PAX8: variants seen among roughly 807,000 people sequenced by gnomAD.
PAX8 encodes paired box protein Pax-8.
In PAX8, 15 loss-of-function variants were observed where a neutral mutation model predicts 52.4. That is an observed-to-expected ratio of 0.29 (90% confidence interval 0.19 to 0.44). The LOEUF is 0.44. Ranked by LOEUF, PAX8 falls within the 20% of genes least tolerant of loss-of-function variation. PAX8 has a pLI of 1.00. For synonymous variants in PAX8, 284 were observed against 249.7 expected, an observed-to-expected ratio of 1.14 and a Z score of -1.29; for missense variants, 554 against 602.5, an observed-to-expected ratio of 0.92 and a Z score of 0.84.
intron 10 of PAX8, chr2:113,226,468 C>T (rs1689576085): frequency 3.0e-6 from 3 of 988,368 alleles, no homozygotes; most frequent in African/African-American, 3.5e-5. Context: ...CATCTTGAAT[C>T]ATCATTGGAT....
intron 10 of PAX8, chr2:113,225,820 A>G: frequency 1.4e-6 from 1 of 699,060 alleles, no homozygotes; most frequent in Non-Finnish European, 1.8e-6. Flanking sequence ...TTGGAAGGGG[A>G]ATGGGGGGAA....
At chr2:113,224,511 C>T (rs1689427714) in intron 10 of PAX8, among the ~76,000 whole-genome samples, 1 of 141,660 alleles carries the variant, frequency 7.1e-6, no homozygotes, top group Non-Finnish European at 1.5e-5. Context: ...CACACCACTA[C>T]ACTCCAGCCT....
chr2:113,218,100 A>C lies in PAX8; in HGVS notation c.*433T>G. The stretch of plus-strand genomic sequence containing the variant: ...GGCTGTGACTTGTGGGCTGGAGGGA[A>C]GTGCTTATGGTCCATAATTGCTAGA... On this transcript the variant is annotated 3_prime_UTR_variant, in exon 12 of 12. Coordinates refer to ENST00000429538, the MANE Select transcript of PAX8 (RefSeq NM_003466.4). 4.2e-6 allele frequency: 1 copy of C among 235,914 alleles called. No homozygotes were observed. The highest frequency in any genetic ancestry group is 8.3e-6 in the Non-Finnish European group (1 of 120,096). 14.6% of individuals were successfully genotyped at this position (235,914 alleles called of 1,614,324 possible). A position where few individuals can be genotyped will look rare whatever the true frequency, so the allele number is the denominator to read the frequency against.
At chr2:113,267,356 A>G (rs1243469033) in intron 2 of PAX8, 2 of 152,238 alleles carry the variant, frequency 1.3e-5, no homozygotes, top group Non-Finnish European at 2.9e-5. Context: ...CTAGGGGCTG[A>G]TGCAGGCAAA....
intron 2 of PAX8, among the ~76,000 whole-genome samples, chr2:113,248,421 A>G (rs186643157): frequency 2.0e-5 from 3 of 152,314 alleles, no homozygotes; most frequent in East Asian, 1.9e-4. Context: ...GGATTTGGTG[A>G]TATGACTGGG....
chr2:113,278,165 T>C (rs1693961236), intron 2 of PAX8, among the ~76,000 whole-genome samples: 1 of 152,058 alleles, frequency 6.6e-6, no homozygotes, highest in African/African-American at 2.4e-5. Flanking sequence ...CAAGGGCGGC[T>C]CAGCTGGCCG....
chr2:113,255,167 A>G (rs1573502574), intron 2 of PAX8, among the ~76,000 whole-genome samples: 2 of 96,288 alleles, frequency 2.1e-5, no homozygotes, highest in African/African-American at 6.7e-5. Flanking sequence ...GAAGAAAAAA[A>G]GAAGGAAGGA....
At chr2:113,223,102 T>G (rs142678222) in intron 10 of PAX8, among the ~76,000 whole-genome samples, 34 of 152,280 alleles carry the variant, frequency 2.2e-4, no homozygotes, top group African/African-American at 8.2e-4. Flanking sequence ...CAGACACACA[T>G]GATGTACCTG....
chr2:113,240,563 A>T (rs746539742), intron 7 of PAX8: 3 of 152,226 alleles, frequency 2.0e-5, no homozygotes, highest in Non-Finnish European at 4.4e-5. Context: ...CTGAGAGCTT[A>T]GTGGTTCTGC....
chr2:113,232,920 C>A (rs536941720), intron 9 of PAX8, among the ~76,000 whole-genome samples: 45 of 152,190 alleles, frequency 3.0e-4, no homozygotes, highest in African/African-American at 1.1e-3. Context: ...ACCCTCACCC[C>A]TTGCCTGCCC....
chr2:113,244,751 A>C, intron 3 of PAX8, 127 bp from the exon 4 acceptor site: 1 of 869,246 alleles, frequency 1.2e-6, no homozygotes, highest in Non-Finnish European at 1.9e-6. Flanking sequence ...ATGTGCCTCC[A>C]AGGCTGGTCT....
chr2:113,235,350 AC>A (rs1473731667), intron 9 of PAX8, 43 bp downstream of exon 9: 2 of 1,512,874 alleles, frequency 1.3e-6, no homozygotes, highest in Non-Finnish European at 1.8e-6. Flanking sequence ...CCCCCGTCCC[AC>A]CCGCCGCCAT....
intron 7 of PAX8, chr2:113,240,122 C>CT (rs775096447): frequency 6.6e-6 from 1 of 152,312 alleles, no homozygotes; most frequent in Non-Finnish European, 1.5e-5. Flanking sequence ...TGCCTGCACA[C>CT]TGAGTTTTGC....
intron 9 of PAX8, among the ~76,000 whole-genome samples, chr2:113,232,778 G>A (rs1689971648): frequency 6.6e-6 from 1 of 152,094 alleles, no homozygotes; most frequent in Admixed American, 6.5e-5. Context: ...TTACACTACA[G>A]CCTATGTCTG....
intron 10 of PAX8, chr2:113,225,887 A>T: frequency 1.0e-6 from 1 of 984,822 alleles, no homozygotes; most frequent in Non-Finnish European, 1.2e-6. Context: ...TCTTAAAAAA[A>T]TAACCGAATC....
chr2:113,235,289 G>A (rs1365951485), intron 9 of PAX8, 105 bp downstream of exon 9: 1 of 922,096 alleles, frequency 1.1e-6, no homozygotes, highest in Non-Finnish European at 1.6e-6. Context: ...GAACAGGGTG[G>A]GGGTGGATGA....
intron 2 of PAX8, among the ~76,000 whole-genome samples, chr2:113,247,798 G>A (rs1445415184): frequency 1.3e-5 from 2 of 152,238 alleles, no homozygotes; most frequent in African/African-American, 4.8e-5. Context: ...ATGATGCCAA[G>A]GTGAATAAGG....
In PAX8 at chr2:113,241,761, G is replaced by T. The variant is rs766379675; in HGVS notation, c.602-35C>A. 4 of 1,608,932 alleles carry T rather than the reference G, an allele frequency of 2.5e-6. No individual in the cohort carries two copies. The East Asian group carries it at 6.7e-5, about 27-fold the overall frequency. Reference sequence around the variant, plus strand: ...CCCGGGAAGGAAGAAAGCTTTTAGGGGACCTATCTATTCATGCTCTAGGCC... The same window carrying T: ...CCCGGGAAGGAAGAAAGCTTTTAGGTGACCTATCTATTCATGCTCTAGGCC... On this transcript the variant is annotated intron_variant, in intron 6 of 11. Transcript: ENST00000429538.
At chr2:113,271,139 C>T (rs1693433954) in intron 2 of PAX8, 1 of 152,226 alleles carries the variant, frequency 6.6e-6, no homozygotes, top group African/African-American at 2.4e-5. Context: ...TGGGACATAA[C>T]AACCGGCACC....
Sources: gnomAD v4.1 joint callset for allele counts (sites outside exome capture counted in the v4.1 genomes callset) on GRCh38, gnomAD v4.1.1 for gene constraint, MANE v1.5 for transcripts, NCBI Gene and HGNC (gene_info 2026-07-23, HGNC 2026-07-21) for gene names.